Variants in CACNA1H observed in about 807,000 individuals in gnomAD.
CACNA1H encodes voltage-dependent T-type calcium channel subunit alpha-1H.
A neutral mutation model predicts 192.5 loss-of-function variants in CACNA1H; 149 were observed. The observed-to-expected ratio is 0.77, with a 90% CI of 0.68 to 0.89. The LOEUF (loss-of-function observed/expected upper bound fraction) is 0.89. Among genes scored for constraint, CACNA1H ranks in the 40% least tolerant of loss-of-function variants. The pLI is 0.00. For synonymous variants in CACNA1H, 2,202 were observed against 1,475.2 expected (o/e 1.49, Z -11.29); for missense variants, 4,257 against 3,423.5 (o/e 1.24, Z -6.08).
chr16:1,202,545 C>T (rs982224654), intron 9 of CACNA1H, 93 bp downstream of exon 9: 2 of 1,111,004 alleles, frequency 1.8e-6, no homozygotes, highest in African/African-American at 1.6e-5. Context: ...CCATTGTGGG[C>T]ACTCTGATGA....
intron 30 of CACNA1H, among the ~76,000 whole-genome samples, 187 bp downstream of exon 30, chr16:1,215,780 C>T (rs975227604): frequency 2.0e-5 from 3 of 152,190 alleles, no homozygotes; most frequent in Non-Finnish European, 2.9e-5. Context: ...CCAGCCGCTG[C>T]CCTCTGGCCT....
At chr16:1,196,171 G>C (rs1050961033) in intron 5 of CACNA1H, 148 bp downstream of exon 5, 1 of 652,352 alleles carries the variant, frequency 1.5e-6, no homozygotes, top group Non-Finnish European at 2.7e-6. Context: ...CCAGCAGTGG[G>C]GTGGCCCCTG....
At chr16:1,204,733 C>T (rs1246295415) in intron 10 of CACNA1H, among the ~76,000 whole-genome samples, 1 of 150,374 alleles carries the variant, frequency 6.7e-6, no homozygotes, top group Non-Finnish European at 1.5e-5. Context: ...GGTCTTGATG[C>T]AGCCAAACCT....
chr16:1,187,180 C>T (rs76890282), intron 2 of CACNA1H, among the ~76,000 whole-genome samples: 3,303 of 152,338 alleles, frequency 0.022, 83 homozygotes, highest in African/African-American at 0.059. Context: ...TAAGGTTGAG[C>T]GTTCCTGAGA....
rs766768686 is a variant in CACNA1H, at chr16:1,200,434, G to A, written c.982G>A (p.Glu328Lys). The A allele has an allele frequency of 9.9e-6, 16 of 1,610,638 alleles. No individual in the cohort carries two copies. Among genetic ancestry groups the A allele is most frequent in the Admixed American group, 6.7e-5 (4 of 59,958 alleles). The change falls in exon 7 of 35, where the codon GAG (glutamate) becomes AAG (lysine). Residue 328 changes from glutamate to lysine, a missense_variant. Coordinates refer to ENST00000348261, the MANE Select transcript of CACNA1H (RefSeq NM_021098.3). ...GWEAYTQPQA[E>K]GVGAARNACI... ...GGAGGCCTACACGCAGCCGCAGGCCGAGGGGGTGGGCGCTGCACGCAACGC... is the reference window on the plus strand; with the variant it reads ...GGAGGCCTACACGCAGCCGCAGGCCAAGGGGGTGGGCGCTGCACGCAACGC...
In CACNA1H at chr16:1,221,640, C is replaced by G. The variant is rs1276576337; in HGVS notation, c.*646C>G. 1 of 895,348 alleles carries G rather than the reference C, an allele frequency of 1.1e-6. No homozygotes were observed. The highest frequency in any genetic ancestry group is 1.6e-6 in the Non-Finnish European group (1 of 606,534). 55.5% of individuals were successfully genotyped at this position (895,348 alleles called of 1,614,324 possible). On this transcript the variant is annotated 3_prime_UTR_variant, in exon 35 of 35. Transcript: ENST00000348261. ...TCTGGGGGCGTTGGCCGCGAGATTC[C>G]CATTGACACCTTTGTTTCGTGTGCT...
intron 2 of CACNA1H, among the ~76,000 whole-genome samples, chr16:1,175,654 GAC>G (rs1445989575): frequency 1.3e-5 from 2 of 152,226 alleles, no homozygotes; most frequent in African/African-American, 4.8e-5. Context: ...AGCGGTCCCT[GAC>G]ACACACTAGT....
At chr16:1,153,586 C>CG (rs938470303) in intron 1 of CACNA1H, 116 bp downstream of exon 1, 1 of 334,272 alleles carries the variant, frequency 3.0e-6, no homozygotes, top group Non-Finnish European at 4.3e-6. Context: ...CGGGCGGGGG[C>CG]GGGGGGCGCG....
At chr16:1,171,856 C>A (rs962171824) in intron 2 of CACNA1H, among the ~76,000 whole-genome samples, 1 of 152,250 alleles carries the variant, frequency 6.6e-6, no homozygotes. Flanking sequence ...CTGTTCTGGG[C>A]TCTTCTCGCC....
chr16:1,200,441 T>G lies in CACNA1H; in HGVS notation c.989T>G (p.Val330Gly), dbSNP rs1398272413. Residue 330 changes from valine (V) to glycine (G), a missense_variant, in exon 7 of 35, where the codon GTG becomes GGG. Physicochemically the swap from Val to Gly is moderately radical, Grantham distance 109 (BLOSUM62 -3). Coordinates refer to ENST00000348261, the MANE Select transcript of CACNA1H (RefSeq NM_021098.3). ...TACACGCAGCCGCAGGCCGAGGGGGTGGGCGCTGCACGCAACGCCTGCATC... is the reference window on the plus strand; with the variant it reads ...TACACGCAGCCGCAGGCCGAGGGGGGGGGCGCTGCACGCAACGCCTGCATC... ...EAYTQPQAEG[V>G]GAARNACINW... 9 of 1,610,612 alleles carry G rather than the reference T, an allele frequency of 5.6e-6. No individual in the cohort carries two copies. The highest frequency in any genetic ancestry group is 7.6e-6 in the Non-Finnish European group (9 of 1,179,436).
chr16:1,186,725 C>T (rs1007866574), intron 2 of CACNA1H, among the ~76,000 whole-genome samples: 1 of 152,188 alleles, frequency 6.6e-6, no homozygotes, highest in Non-Finnish European at 1.5e-5. Context: ...CAACGGGTGG[C>T]CACGTAATGC....
chr16:1,206,605 G>A (rs982238948), intron 12 of CACNA1H: 48 of 452,632 alleles, frequency 1.1e-4, no homozygotes, highest in Admixed American at 7.1e-4. Context: ...TGTTCTGAGC[G>A]CCTGCTGTGT....
chr16:1,169,102 A>G (rs1055950567), intron 2 of CACNA1H, among the ~76,000 whole-genome samples: 1 of 142,170 alleles, frequency 7.0e-6, no homozygotes, highest in African/African-American at 2.6e-5. Context: ...ACTGTTCCAG[A>G]TACCAGAACG....
At chr16:1,157,464 G>A (rs867168426) in intron 2 of CACNA1H, among the ~76,000 whole-genome samples, 2 of 152,324 alleles carry the variant, frequency 1.3e-5, no homozygotes, top group African/African-American at 4.8e-5. Context: ...GCCTGAGACA[G>A]CCCTTCATGG....
intron 26 of CACNA1H, among the ~76,000 whole-genome samples, chr16:1,213,058 G>C (rs1969645307): frequency 6.6e-6 from 1 of 152,246 alleles, no homozygotes; most frequent in East Asian, 1.9e-4. Flanking sequence ...CGTACGTGGA[G>C]GGGCCCTGGA....
chr16:1,171,694 C>T (rs1225483042), intron 2 of CACNA1H, among the ~76,000 whole-genome samples: 5 of 152,292 alleles, frequency 3.3e-5, no homozygotes, highest in South Asian at 2.1e-4. Flanking sequence ...GGCCGTGCCT[C>T]GGCCCACAGA....
intron 27 of CACNA1H, among the ~76,000 whole-genome samples, chr16:1,214,412 C>T (rs760870715): frequency 6.6e-6 from 1 of 152,192 alleles, no homozygotes. Context: ...TTGTGTGGAG[C>T]CGAGGATGGC....
At chr16:1,186,195 C>T (rs1489909336) in intron 2 of CACNA1H, among the ~76,000 whole-genome samples, 1 of 149,006 alleles carries the variant, frequency 6.7e-6, no homozygotes, top group South Asian at 2.1e-4. Flanking sequence ...TGTGCAGGGC[C>T]AGGGTGTACC....
At chr16:1,169,366 C>G (rs991498346) in intron 2 of CACNA1H, among the ~76,000 whole-genome samples, 2 of 152,222 alleles carry the variant, frequency 1.3e-5, no homozygotes, top group Non-Finnish European at 2.9e-5. Context: ...GCCCTCCCAC[C>G]CTCTGACACA....
Sources: allele counts gnomAD v4.1 joint callset (sites outside exome capture counted in the v4.1 genomes callset), GRCh38; gene constraint gnomAD v4.1.1; transcripts MANE v1.5; gene names NCBI Gene and HGNC (gene_info 2026-07-23, HGNC 2026-07-21).